The following SLC7A8 variants were observed in gnomAD, a reference collection of about 807,000 sequenced individuals.
SLC7A8 encodes solute carrier family 7 member 8, also known as large neutral amino acids transporter small subunit 2.
A neutral mutation model predicts 51.2 loss-of-function variants in SLC7A8; 30 were observed. The observed-to-expected ratio is 0.59, with a 90% CI of 0.44 to 0.80. SLC7A8 has a LOEUF of 0.80. Ranked by LOEUF, SLC7A8 falls within the 30% of genes least tolerant of loss-of-function variation. SLC7A8 has a pLI of 0.00. For missense variants in SLC7A8, 612 were observed against 674.4 expected (o/e 0.91, Z 1.03); for synonymous variants, 257 against 275.8 (o/e 0.93, Z 0.67).
At chr14:23,152,744 A>G (rs1317957068) in intron 3 of SLC7A8, among the ~76,000 whole-genome samples, 1 of 152,108 alleles carries the variant, frequency 6.6e-6, no homozygotes, top group Non-Finnish European at 1.5e-5. Flanking sequence ...TGCTTTGGAT[A>G]CAGGACTCTG....
intron 3 of SLC7A8, among the ~76,000 whole-genome samples, chr14:23,153,632 G>A (rs2048866525): frequency 6.6e-6 from 1 of 152,162 alleles, no homozygotes; most frequent in Non-Finnish European, 1.5e-5. Context: ...TGCATCCATT[G>A]CTCCCAGGGC....
intron 1 of SLC7A8, among the ~76,000 whole-genome samples, chr14:23,175,110 C>T (rs1273330909): frequency 6.6e-6 from 1 of 152,178 alleles, no homozygotes; most frequent in Non-Finnish European, 1.5e-5. Context: ...CAAGATGCCC[C>T]ACACCTCTAC....
rs2048951954 is a variant in SLC7A8, at chr14:23,166,662, G to A, written c.152-122C>T. On this transcript the variant is annotated intron_variant, in intron 1 of 10. Coordinates refer to ENST00000316902, the MANE Select transcript of SLC7A8 (RefSeq NM_012244.4). Reference sequence around the variant, plus strand: ...TGAAATGCCTTGGATATATGTAAATGATCTGCAGGCAGGTGTGCCTAGCAA... The same window carrying A: ...TGAAATGCCTTGGATATATGTAAATAATCTGCAGGCAGGTGTGCCTAGCAA... 19 of 973,256 alleles carry A rather than the reference G, an allele frequency of 2.0e-5. No homozygotes were observed. The South Asian group carries it at 2.3e-4, about 12-fold the overall frequency. The allele number at this position is 973,256 out of a possible 1,614,324, so 60.3% of individuals were successfully genotyped here. A position where few individuals can be genotyped will look rare whatever the true frequency, so the allele number is the denominator to read the frequency against.
At position 23,143,298 on chromosome 14, in the gene SLC7A8, G is replaced by A. The variant is rs45589331; in HGVS notation, c.509-94C>T. ...AGCAGAACTGCTCCCTCATCCTGAC[G>A]ATGACATTGTAGTAGGTGAGCCAGA... is the stretch of plus-strand genomic sequence containing the variant. On this transcript the variant is annotated intron_variant, in intron 3 of 10. Coordinates refer to ENST00000316902, the MANE Select transcript of SLC7A8 (RefSeq NM_012244.4). 6.9e-3 allele frequency: 10,631 copies of A among 1,537,170 alleles called. 54 individuals carry two copies. Among genetic ancestry groups the A allele is most frequent in the Non-Finnish European group, 8.2e-3 (9,223 of 1,131,316 alleles).
intron 7 of SLC7A8, among the ~76,000 whole-genome samples, chr14:23,137,179 C>T (rs531277691): frequency 2.0e-5 from 3 of 152,282 alleles, no homozygotes; most frequent in East Asian, 1.9e-4. Context: ...AAGAAAGGGC[C>T]GGGTCCCTGG....
At chr14:23,149,350 C>A (rs746340784) in intron 3 of SLC7A8, among the ~76,000 whole-genome samples, 31 of 152,216 alleles carry the variant, frequency 2.0e-4, no homozygotes, top group Admixed American at 4.6e-4. Flanking sequence ...CTCCCCCAGT[C>A]TCCCCTGTAT....
chr14:23,172,215 G>C (rs542555571), intron 1 of SLC7A8, among the ~76,000 whole-genome samples: 1 of 152,334 alleles, frequency 6.6e-6, no homozygotes, highest in African/African-American at 2.4e-5. Flanking sequence ...AGTAGGGACA[G>C]AGACCAGCCC....
chr14:23,172,576 C>T (rs2048980285), intron 1 of SLC7A8, among the ~76,000 whole-genome samples: 1 of 152,198 alleles, frequency 6.6e-6, no homozygotes, highest in South Asian at 2.1e-4. Flanking sequence ...CATCTTGCCT[C>T]CAGCATTCCC....
In SLC7A8 at chr14:23,125,816, T is replaced by C. The variant is rs1024926683; in HGVS notation, c.*1361A>G. ...AGTGCAGCAGGAGTGGCTGGGAAGG[T>C]TGCAGGGCCCACAGCAAACTCCATA... On this transcript the variant is annotated 3_prime_UTR_variant, in exon 11 of 11. Coordinates refer to ENST00000316902, the MANE Select transcript of SLC7A8 (RefSeq NM_012244.4). The C allele has an allele frequency of 6.6e-6, 1 of 152,604 alleles. No homozygotes were observed. The highest frequency in any genetic ancestry group is 1.5e-5 in the Non-Finnish European group (1 of 68,066). The allele number at this position is 152,604 out of a possible 1,614,324, so 9.5% of individuals were successfully genotyped here. A position where few individuals can be genotyped will look rare whatever the true frequency, so the allele number is the denominator to read the frequency against.
At chr14:23,176,044 CTA>C (rs1188799680) in intron 1 of SLC7A8, among the ~76,000 whole-genome samples, 6 of 152,168 alleles carry the variant, frequency 3.9e-5, no homozygotes, top group Non-Finnish European at 8.8e-5. Flanking sequence ...CGTAATCCCT[CTA>C]TGTTTTGTGT....
chr14:23,159,958 ACTT>A (rs1295744498), intron 3 of SLC7A8, among the ~76,000 whole-genome samples: 1 of 152,186 alleles, frequency 6.6e-6, no homozygotes, highest in Non-Finnish European at 1.5e-5. Context: ...AGGAGAAGGA[ACTT>A]CTTTAGGTCA....
In SLC7A8 at chr14:23,131,161, T is replaced by A. The variant is rs1357722425; in HGVS notation, c.1113+300A>T. ...GCGAGGAGAGCCAAGGGAGATATAT[T>A]TTTTTTGAGGCTGTAGAATCCTGAG... On this transcript the variant is annotated intron_variant, in intron 8 of 10. Coordinates refer to ENST00000316902, the MANE Select transcript of SLC7A8 (RefSeq NM_012244.4). Among the ~76,000 whole-genome samples the A allele has an allele frequency of 3.9e-5, 6 of 152,252 alleles. No homozygotes were observed. The East Asian group carries it at 7.7e-4, about 20-fold the overall frequency.
intron 3 of SLC7A8, among the ~76,000 whole-genome samples, chr14:23,157,153 C>T (rs1360181817): frequency 6.6e-6 from 1 of 152,188 alleles, no homozygotes; most frequent in Non-Finnish European, 1.5e-5. Context: ...TACAACAATA[C>T]GTACAGACAA....
At chr14:23,177,910 G>C (rs1876993035) in intron 1 of SLC7A8, among the ~76,000 whole-genome samples, 1 of 152,296 alleles carries the variant, frequency 6.6e-6, no homozygotes, top group African/African-American at 2.4e-5. Flanking sequence ...AATGAATAAG[G>C]ACCTCTGTCC....
intron 3 of SLC7A8, among the ~76,000 whole-genome samples, chr14:23,161,432 G>A (rs767099716): frequency 3.6e-4 from 54 of 152,000 alleles, no homozygotes; most frequent in Non-Finnish European, 7.2e-4. Flanking sequence ...TCAGCATGTC[G>A]CCACAGGACA....
Position 23,183,199 on chromosome 14 carries a change from T to G in SLC7A8, c.-285A>C. 6.0e-6 allele frequency: 2 copies of G among 331,766 alleles called. No homozygotes were observed. Among genetic ancestry groups the G allele is most frequent in the Non-Finnish European group, 1.1e-5 (2 of 182,608 alleles). 20.6% of individuals were successfully genotyped at this position (331,766 alleles called of 1,614,324 possible). On this transcript the variant is annotated 5_prime_UTR_variant, in exon 1 of 11. Transcript: ENST00000316902. ...ACATTTAAATATAAAAATAGAACTG[T>G]GCCAGCGACTCCGGCTGGAATTCTG...
At chr14:23,177,040 A>G (rs1876958524) in intron 1 of SLC7A8, among the ~76,000 whole-genome samples, 1 of 152,126 alleles carries the variant, frequency 6.6e-6, no homozygotes, top group African/African-American at 2.4e-5. Context: ...TAGTAGCTAG[A>G]TCAGCATCCA....
At chr14:23,180,971 G>A (rs999741442) in intron 1 of SLC7A8, among the ~76,000 whole-genome samples, 3 of 152,078 alleles carry the variant, frequency 2.0e-5, no homozygotes, top group Non-Finnish European at 4.4e-5. Context: ...AGCTTGCAGT[G>A]AGCCGAGATC....
chr14:23,130,646 G>A (rs567739148), intron 8 of SLC7A8, among the ~76,000 whole-genome samples: 19 of 152,288 alleles, frequency 1.2e-4, no homozygotes, highest in African/African-American at 4.3e-4. Flanking sequence ...GTCTTCTCCA[G>A]CCACCTTCGA....
Sources: allele counts gnomAD v4.1 joint callset (sites outside exome capture counted in the v4.1 genomes callset), GRCh38; gene constraint gnomAD v4.1.1; transcripts MANE v1.5; gene names NCBI Gene and HGNC (gene_info 2026-07-23, HGNC 2026-07-21).